MARCHF1: variants seen among roughly 807,000 people sequenced by gnomAD.
The protein encoded by MARCHF1 is E3 ubiquitin-protein ligase MARCHF1.
Under a neutral mutation model 54.2 loss-of-function variants are expected in MARCHF1, and 40 were observed. The observed-to-expected ratio is 0.74, with a 90% CI of 0.57 to 0.96. MARCHF1 has a LOEUF of 0.96. Ranked by LOEUF, MARCHF1 falls within the 40% of genes least tolerant of loss-of-function variation. The pLI is 0.00. For synonymous variants in MARCHF1, 236 were observed against 236.3 expected (o/e 1.00, Z 0.01); for missense variants, 586 against 656.5 (o/e 0.89, Z 1.17).
rs547742257 is a variant in MARCHF1, at chr4:164,054,209, T to C, written c.-248+57379A>G. Among the ~76,000 whole-genome samples, 793 of 151,654 alleles carry C rather than the reference T, an allele frequency of 5.2e-3. 6 individuals carry two copies. Among genetic ancestry groups the C allele is most frequent in the African/African-American group, 0.018 (753 of 41,358 alleles). On this transcript the variant is annotated intron_variant, in intron 2 of 9. Coordinates refer to ENST00000514618, the MANE Select transcript of MARCHF1 (RefSeq NM_001394959.1). Reference sequence around the variant, plus strand: ...TCACTGGCCATCAGAGAAATGCAAATCAAAACCACAGTGAGATACCATCTC... The same window carrying C: ...TCACTGGCCATCAGAGAAATGCAAACCAAAACCACAGTGAGATACCATCTC...
intron 1 of MARCHF1, among the ~76,000 whole-genome samples, chr4:164,350,297 G>T (rs192277709): frequency 2.6e-5 from 4 of 152,192 alleles, no homozygotes; most frequent in African/African-American, 9.6e-5. Context: ...AAGAGCCAAA[G>T]AAAACTGAGT....
At chr4:164,142,940 T>C (rs543478068) in intron 1 of MARCHF1, among the ~76,000 whole-genome samples, 161 of 152,034 alleles carry the variant, frequency 1.1e-3, no homozygotes, top group African/African-American at 3.8e-3. Context: ...TTTAGAAGAA[T>C]GTATAACTAG....
At chr4:163,622,725 G>A (rs1233843928) in intron 5 of MARCHF1, among the ~76,000 whole-genome samples, 3 of 152,196 alleles carry the variant, frequency 2.0e-5, no homozygotes, top group Non-Finnish European at 1.5e-5. Flanking sequence ...ACGTGGAAGA[G>A]GGTGGCATGG....
rs987398410 is a variant in MARCHF1, at chr4:163,861,867, A to G, written c.-38-7698T>C. Among the ~76,000 whole-genome samples, 4 of 152,240 alleles carry G rather than the reference A, an allele frequency of 2.6e-5. No homozygotes were observed. The East Asian group carries it at 7.7e-4, about 29-fold the overall frequency. On this transcript the variant is annotated intron_variant, in intron 3 of 9. Coordinates refer to ENST00000514618, the MANE Select transcript of MARCHF1 (RefSeq NM_001394959.1). ...AATCAAGACAGTGTGGTGTTGGAAA[A>G]AAAAGTAAATATATAAGACAATAAA...
Position 164,302,316 on chromosome 4 carries a change from G to C in MARCHF1, c.-323+81554C>G, listed in dbSNP as rs567129265. Among the ~76,000 whole-genome samples the C allele has an allele frequency of 2.6e-5, 4 of 151,844 alleles. No homozygotes were observed. The South Asian group carries it at 8.3e-4, about 32-fold the overall frequency. Reference sequence around the variant, plus strand: ...TAAAACACTTCTACATAAATACACTGTTCCATTGTTCCAACACATGACAAG... The same window carrying C: ...TAAAACACTTCTACATAAATACACTCTTCCATTGTTCCAACACATGACAAG... On this transcript the variant is annotated intron_variant, in intron 1 of 9. Coordinates refer to ENST00000514618, the MANE Select transcript of MARCHF1 (RefSeq NM_001394959.1).
chr4:164,036,131 CA>C (rs34184383), intron 2 of MARCHF1, among the ~76,000 whole-genome samples: 54,104 of 133,586 alleles, frequency 0.41, 11,772 homozygotes, highest in African/African-American at 0.62. Flanking sequence ...AAACAAAAAA[CA>C]AAAAAAAAAA....
chr4:164,037,474 T>C (rs10001082), intron 2 of MARCHF1, among the ~76,000 whole-genome samples: 149,557 of 152,276 alleles, frequency 0.98, 73,499 homozygotes, highest in East Asian at 1. Flanking sequence ...GATCTCTTTA[T>C]CAGCAGCCCC....
chr4:164,018,046 T>C (rs1449537677), intron 2 of MARCHF1, among the ~76,000 whole-genome samples: 3 of 151,900 alleles, frequency 2.0e-5, no homozygotes, highest in Non-Finnish European at 4.4e-5. Context: ...GGATAATTCA[T>C]CAAAAATAAT....
At chr4:163,800,895 A>T (rs1748064793) in intron 4 of MARCHF1, among the ~76,000 whole-genome samples, 2 of 152,112 alleles carry the variant, frequency 1.3e-5, no homozygotes, top group South Asian at 4.1e-4. Flanking sequence ...GCCAACTCTT[A>T]CATCAGCGAA....
intron 5 of MARCHF1, among the ~76,000 whole-genome samples, chr4:163,654,551 A>G (rs1175743247): frequency 6.6e-6 from 1 of 151,666 alleles, no homozygotes; most frequent in Non-Finnish European, 1.5e-5. Context: ...GGTGCATACA[A>G]TTTAAGAATT....
chr4:163,551,615 C>T (rs544691518), intron 8 of MARCHF1, among the ~76,000 whole-genome samples: 3 of 152,304 alleles, frequency 2.0e-5, no homozygotes, highest in African/African-American at 4.8e-5. Flanking sequence ...CTTGTTCTCT[C>T]AGAATTACAG....
rs1342971387 is a variant in MARCHF1 at position 164,300,204 on chromosome 4, C to T, written c.-323+83666G>A. ...AGAACATCATTATCATCATTATTGC[C>T]GAGACTAATGACCACTCTTAGCTCT... On this transcript the variant is annotated intron_variant, in intron 1 of 9. Transcript: ENST00000514618. Among the ~76,000 whole-genome samples the T allele has an allele frequency of 5.3e-5, 8 of 152,128 alleles. 1 individual carries two copies. The highest frequency in any genetic ancestry group is 3.9e-4 in the East Asian group (2 of 5,152).
intron 2 of MARCHF1, among the ~76,000 whole-genome samples, chr4:164,079,055 C>T (rs1036870620): frequency 6.6e-6 from 1 of 152,154 alleles, no homozygotes; most frequent in African/African-American, 2.4e-5. Flanking sequence ...TATGAAGGTT[C>T]AGCATCTTTT....
At chr4:163,639,858 AGAC>A (rs1332512542) in intron 5 of MARCHF1, among the ~76,000 whole-genome samples, 1 of 152,158 alleles carries the variant, frequency 6.6e-6, no homozygotes, top group Non-Finnish European at 1.5e-5. Flanking sequence ...GATGAAACAA[AGAC>A]GAACAGCTAT....
chr4:164,357,309 C>T (rs1461672046), intron 1 of MARCHF1, among the ~76,000 whole-genome samples: 1 of 152,016 alleles, frequency 6.6e-6, no homozygotes, highest in Non-Finnish European at 1.5e-5. Flanking sequence ...ACTTAGATTT[C>T]TTGGTTTGTG....
chr4:164,144,500 A>G (rs1482841881), intron 1 of MARCHF1, among the ~76,000 whole-genome samples: 1 of 151,978 alleles, frequency 6.6e-6, no homozygotes, highest in Non-Finnish European at 1.5e-5. Flanking sequence ...TCAAACTAGA[A>G]CTCAGGATTA....
intron 1 of MARCHF1, among the ~76,000 whole-genome samples, chr4:164,312,557 C>T (rs906150548): frequency 4.6e-5 from 7 of 151,928 alleles, no homozygotes; most frequent in African/African-American, 1.4e-4. Flanking sequence ...CTCCTGACCT[C>T]GTGATCTGCC....
chr4:164,084,349 G>A (rs1755154908), intron 2 of MARCHF1, among the ~76,000 whole-genome samples: 2 of 151,736 alleles, frequency 1.3e-5, no homozygotes, highest in South Asian at 2.1e-4. Context: ...GAATATAAAG[G>A]TACATAATAA....
At chr4:163,921,711 C>G (rs994910534) in intron 3 of MARCHF1, among the ~76,000 whole-genome samples, 2 of 151,952 alleles carry the variant, frequency 1.3e-5, no homozygotes, top group Admixed American at 6.6e-5. Context: ...TTAATTAGAA[C>G]TGTTTAATTA....
Sources: allele counts gnomAD v4.1 joint callset (sites outside exome capture counted in the v4.1 genomes callset), GRCh38; gene constraint gnomAD v4.1.1; transcripts MANE v1.5; gene names NCBI Gene and HGNC (gene_info 2026-07-23, HGNC 2026-07-21).